The following HDAC4 variants were observed in gnomAD, a reference collection of about 807,000 sequenced individuals.
HDAC4 encodes histone deacetylase A.
Under a neutral mutation model 135.1 loss-of-function variants are expected in HDAC4, and 16 were observed. The ratio of observed to expected loss-of-function variants is 0.12; its 90% CI spans 0.08 to 0.18. The LOEUF is 0.18. Among genes scored for constraint, HDAC4 ranks in the 10% least tolerant of loss-of-function variants. The pLI is 1.00. For synonymous variants in HDAC4, 685 were observed against 653.4 expected, an observed-to-expected ratio of 1.05 and a Z score of -0.74; for missense variants, 1,143 against 1,511.8, an observed-to-expected ratio of 0.76 and a Z score of 4.05.
intron 8 of HDAC4, chr2:239,140,982 C>G: frequency 2.4e-6 from 1 of 419,688 alleles, no homozygotes; most frequent in South Asian, 1.7e-5. Flanking sequence ...CCCACAGCTC[C>G]CCCAACCTGG....
At chr2:239,147,392 A>G (rs1336236539) in intron 7 of HDAC4, among the ~76,000 whole-genome samples, 1 of 152,254 alleles carries the variant, frequency 6.6e-6, no homozygotes, top group African/African-American at 2.4e-5. Flanking sequence ...CTTCAAATGC[A>G]TGTGTCTTAA....
intron 13 of HDAC4, among the ~76,000 whole-genome samples, chr2:239,114,257 A>G (rs940543442): frequency 1.3e-5 from 2 of 152,164 alleles, no homozygotes; most frequent in Admixed American, 1.3e-4. Flanking sequence ...CACGGCCGGC[A>G]TGGAGTCCAG....
At chr2:239,377,959 G>A (rs1439244624) in intron 1 of HDAC4, among the ~76,000 whole-genome samples, 1 of 152,146 alleles carries the variant, frequency 6.6e-6, no homozygotes, top group African/African-American at 2.4e-5. Context: ...CCCTGAAATA[G>A]GAGTTCTATG....
chr2:239,235,070 G>T (rs925070156), intron 3 of HDAC4, among the ~76,000 whole-genome samples: 11 of 152,084 alleles, frequency 7.2e-5, no homozygotes, highest in Admixed American at 7.2e-4. Flanking sequence ...ATCTTCATCT[G>T]GTACTTAAAG....
At chr2:239,094,611 C>T (rs1236035697) in intron 17 of HDAC4, 8 of 1,142,100 alleles carry the variant, frequency 7.0e-6, no homozygotes, top group Admixed American at 8.3e-5. Context: ...CACTGGGAGC[C>T]CCACCTGTAG....
chr2:239,133,903 C>T (rs2040766602), intron 11 of HDAC4, among the ~76,000 whole-genome samples: 2 of 152,310 alleles, frequency 1.3e-5, no homozygotes, highest in East Asian at 1.9e-4. Context: ...TGTAAAAGTT[C>T]GCTAACACAA....
rs115384058 is a variant in HDAC4 at position 239,073,273 on chromosome 2, G to A, written c.2751-4666C>T. Among the ~76,000 whole-genome samples the A allele has an allele frequency of 3.1e-3, 475 of 152,304 alleles. 4 individuals carry two copies. The highest frequency in any genetic ancestry group is 9.7e-3 in the African/African-American group (402 of 41,566). ...CAATTTCCCCTAGACCTGCCTCTGCGGCAGCTGTAGAAAGTGCTTTCCAAG... is the reference window on the plus strand; with the variant it reads ...CAATTTCCCCTAGACCTGCCTCTGCAGCAGCTGTAGAAAGTGCTTTCCAAG... On this transcript the variant is annotated intron_variant, in intron 22 of 26. Transcript: ENST00000543185.
At chr2:239,298,550 G>T (rs1050122391) in intron 2 of HDAC4, 13 of 1,022,770 alleles carry the variant, frequency 1.3e-5, no homozygotes, top group Non-Finnish European at 1.4e-5. Flanking sequence ...AGCCACTGGG[G>T]ATGCAGGTGC....
At chr2:239,156,829 T>C (rs2152951659) in intron 6 of HDAC4, 56 bp from the exon 7 acceptor site, 3 of 1,610,164 alleles carry the variant, frequency 1.9e-6, no homozygotes, top group Non-Finnish European at 1.7e-6. Flanking sequence ...GCCCCAGGCA[T>C]GCTGCAGCCG....
At chr2:239,241,072 C>A (rs1014992351) in intron 2 of HDAC4, among the ~76,000 whole-genome samples, 1 of 152,168 alleles carries the variant, frequency 6.6e-6, no homozygotes, top group African/African-American at 2.4e-5. Context: ...TGAGCACCAG[C>A]CGGAATCCAG....
At chr2:239,242,470 T>C (rs2048244165) in intron 2 of HDAC4, among the ~76,000 whole-genome samples, 1 of 152,272 alleles carries the variant, frequency 6.6e-6, no homozygotes, top group Non-Finnish European at 1.5e-5. Context: ...TTCTGTTTGC[T>C]TGCATATGGA....
intron 4 of HDAC4, among the ~76,000 whole-genome samples, chr2:239,177,824 G>T (rs1047213289): frequency 6.6e-6 from 1 of 152,154 alleles, no homozygotes; most frequent in Non-Finnish European, 1.5e-5. Flanking sequence ...AAAAGAAATC[G>T]GGATAAATGT....
intron 22 of HDAC4, among the ~76,000 whole-genome samples, chr2:239,069,934 G>C (rs1363188550): frequency 3.9e-5 from 6 of 152,204 alleles, no homozygotes; most frequent in African/African-American, 1.4e-4. Context: ...GGGGAGTGAA[G>C]CCAGCTCCCT....
At chr2:239,348,600 C>T (rs545660054) in intron 2 of HDAC4, among the ~76,000 whole-genome samples, 3 of 152,362 alleles carry the variant, frequency 2.0e-5, no homozygotes, top group South Asian at 4.1e-4. Flanking sequence ...GTGGGCTTTC[C>T]GTCCACACTC....
At chr2:239,246,140 A>C (rs1368356580) in intron 2 of HDAC4, among the ~76,000 whole-genome samples, 2 of 152,156 alleles carry the variant, frequency 1.3e-5, no homozygotes, top group Non-Finnish European at 2.9e-5. Context: ...TAGTCGGGTG[A>C]TAGGGACAAA....
At chr2:239,363,522 C>T (rs532924045) in intron 1 of HDAC4, among the ~76,000 whole-genome samples, 3 of 152,324 alleles carry the variant, frequency 2.0e-5, no homozygotes, top group Admixed American at 6.5e-5. Context: ...GCAGTGCTTG[C>T]GTCAGCTGCT....
intron 2 of HDAC4, among the ~76,000 whole-genome samples, chr2:239,322,971 G>T (rs559583091): frequency 7.0e-4 from 106 of 152,288 alleles, no homozygotes; most frequent in African/African-American, 2.5e-3. Flanking sequence ...TGGGGTGCAC[G>T]TGCCACAAAC....
At chr2:239,200,147 G>A (rs1408694459) in intron 3 of HDAC4, among the ~76,000 whole-genome samples, 1 of 152,182 alleles carries the variant, frequency 6.6e-6, no homozygotes, top group Non-Finnish European at 1.5e-5. Context: ...TGGGACTTAC[G>A]AACTATCGAT....
intron 2 of HDAC4, among the ~76,000 whole-genome samples, chr2:239,291,385 G>T (rs1040048103): frequency 2.6e-5 from 4 of 152,240 alleles, no homozygotes; most frequent in Non-Finnish European, 4.4e-5. Context: ...CATGGCCTGG[G>T]CTGAGAGCCT....
Sources: gnomAD v4.1 joint callset for allele counts (sites outside exome capture counted in the v4.1 genomes callset) on GRCh38, gnomAD v4.1.1 for gene constraint, MANE v1.5 for transcripts, NCBI Gene and HGNC (gene_info 2026-07-23, HGNC 2026-07-21) for gene names.